Variants in CHMP1A observed in about 807,000 individuals in gnomAD.
CHMP1A encodes the protein charged multivesicular body protein 1A.
In CHMP1A, 17 loss-of-function variants were observed where a neutral mutation model predicts 27.0. That is an observed-to-expected ratio of 0.63 (90% CI 0.43 to 0.95). CHMP1A has a LOEUF of 0.95. Among genes scored for constraint, CHMP1A ranks in the 40% least tolerant of loss-of-function variants. CHMP1A has a pLI of 0.00. For missense variants in CHMP1A, 275 were observed against 264.0 expected (o/e 1.04, Z -0.29); for synonymous variants, 131 against 107.5 (o/e 1.22, Z -1.35).
intron 4 of CHMP1A, 94 bp from the exon 5 acceptor site, chr16:89,647,425 G>A (rs995249190): frequency 2.4e-6 from 3 of 1,271,542 alleles, no homozygotes; most frequent in African/African-American, 1.5e-5. Flanking sequence ...CAGGAGAGCT[G>A]GGGCACCCCA....
At chr16:89,654,714 C>G (rs1288829935) in intron 1 of CHMP1A, among the ~76,000 whole-genome samples, 5 of 151,938 alleles carry the variant, frequency 3.3e-5, no homozygotes, top group Non-Finnish European at 5.9e-5. Flanking sequence ...AGGCCGAGGC[C>G]GGCGGAACAT....
chr16:89,653,020 C>CTT (rs746886149), intron 2 of CHMP1A, among the ~76,000 whole-genome samples: 15 of 82,198 alleles, frequency 1.8e-4, no homozygotes, highest in African/African-American at 5.5e-4. Context: ...TTTTTCTTTT[C>CTT]TTTTTTTTTT....
At chr16:89,650,810 A>AC (rs2059818194) in intron 3 of CHMP1A, among the ~76,000 whole-genome samples, 2 of 151,646 alleles carry the variant, frequency 1.3e-5, no homozygotes, top group Non-Finnish European at 1.5e-5. Flanking sequence ...TCTCAAAAAA[A>AC]AAAAAGATAG....
chr16:89,645,972 G>T lies in CHMP1A; in HGVS notation c.*94C>A, dbSNP rs116954456. 4 of 1,611,310 alleles carry T rather than the reference G, an allele frequency of 2.5e-6. No individual in the cohort carries two copies. The highest frequency in any genetic ancestry group is 4.5e-5 in the East Asian group (2 of 44,714). The stretch of plus-strand genomic sequence containing the variant: ...CAGAGTGGCTGCCGGCCGCAGCCCC[G>T]CGGGGTCAGCACAAAGGCAAGACGC... On this transcript the variant is annotated 3_prime_UTR_variant, in exon 7 of 7. Transcript: ENST00000397901.
intron 6 of CHMP1A, 40 bp downstream of exon 6, chr16:89,646,487 C>G (rs896576038): frequency 6.6e-7 from 1 of 1,514,640 alleles, no homozygotes; most frequent in Non-Finnish European, 8.9e-7. Context: ...AGCACCAGAG[C>G]GTGGGGTTGG....
chr16:89,647,554 G>A lies in CHMP1A; in HGVS notation c.253-223C>T, dbSNP rs1346915558. Among the ~76,000 whole-genome samples, 19 of 146,554 alleles carry A rather than the reference G, an allele frequency of 1.3e-4. 1 individual carries two copies. The highest frequency in any genetic ancestry group is 4.3e-4 in the South Asian group (2 of 4,694). ...GTGCGGGGTCAGTGGAGAAAAGGCC[G>A]CCGACGTGGAGACCCAGTGCGGGGT... On this transcript the variant is annotated intron_variant, in intron 4 of 6. Coordinates refer to ENST00000397901, the MANE Select transcript of CHMP1A (RefSeq NM_002768.5).
chr16:89,646,671 G>A lies in CHMP1A; in HGVS notation c.425C>T (p.Pro142Leu), dbSNP rs2059776274. Residue 142 changes from proline (P) to leucine (L), a missense_variant, in exon 6 of 7, where the codon CCG (proline) becomes CTG (leucine). Pro to Leu is a moderately conservative substitution (Grantham distance 98). Coordinates refer to ENST00000397901, the MANE Select transcript of CHMP1A (RefSeq NM_002768.5). Reference protein sequence around the residue: ...SMSSATTLTTPQEQVDSLIMQ... With the variant: ...SMSSATTLTTLQEQVDSLIMQ... ...GATGAGGCTGTCCACCTGCTCCTGC[G>A]GCGTGGTCAGGGTGGTGGCCGAGCT... 4.3e-6 allele frequency: 7 copies of A among 1,610,564 alleles called. No homozygotes were observed. Among genetic ancestry groups the A allele is most frequent in the Non-Finnish European group, 5.9e-6 (7 of 1,179,054 alleles).
intron 1 of CHMP1A, among the ~76,000 whole-genome samples, chr16:89,654,712 G>A (rs1374403007): frequency 6.6e-6 from 1 of 152,134 alleles, no homozygotes; most frequent in Non-Finnish European, 1.5e-5. Context: ...GGAGGCCGAG[G>A]CCGGCGGAAC....
intron 3 of CHMP1A, among the ~76,000 whole-genome samples, chr16:89,650,236 C>G (rs1351347305): frequency 1.3e-5 from 2 of 152,082 alleles, no homozygotes; most frequent in African/African-American, 4.8e-5. Context: ...TGGAGTGCAG[C>G]AGTGTGATCT....
At chr16:89,655,532 G>A (rs1224847313) in intron 1 of CHMP1A, among the ~76,000 whole-genome samples, 3 of 152,142 alleles carry the variant, frequency 2.0e-5, no homozygotes, top group East Asian at 1.9e-4. Flanking sequence ...CAAAAACCCA[G>A]CTAAGGCAAA....
intron 4 of CHMP1A, among the ~76,000 whole-genome samples, chr16:89,648,591 C>T (rs893668644): frequency 2.0e-5 from 3 of 152,166 alleles, no homozygotes; most frequent in Admixed American, 6.5e-5. Context: ...TTGCCAAGAC[C>T]GAGGCCTGGC....
At position 89,646,100 on chromosome 16, in the gene CHMP1A, A is replaced by G; in HGVS notation, c.570-13T>C. On this transcript the variant is annotated splice_polypyrimidine_tract_variant and intron_variant, in intron 6 of 6. Coordinates refer to ENST00000397901, the MANE Select transcript of CHMP1A (RefSeq NM_002768.5). ...CAAGGCGGCCAACCTGGAAACCAAC[A>G]ACAGGACTCGGGTCAGGGCAGGGGA... 1 of 1,539,570 alleles carries G rather than the reference A, an allele frequency of 6.5e-7. No homozygotes were observed. The highest frequency in any genetic ancestry group is 8.7e-7 in the Non-Finnish European group (1 of 1,143,494).
At position 89,644,873 on chromosome 16, in the gene CHMP1A, C is replaced by T. The variant is rs2059761890; in HGVS notation, c.*1193G>A. 6.5e-6 allele frequency: 1 copy of T among 152,768 alleles called. No homozygotes were observed. The highest frequency in any genetic ancestry group is 6.5e-5 in the Admixed American group (1 of 15,292). The allele number at this position is 152,768 out of a possible 1,614,324, so 9.5% of individuals were successfully genotyped here. On this transcript the variant is annotated 3_prime_UTR_variant, in exon 7 of 7. Coordinates refer to ENST00000397901, the MANE Select transcript of CHMP1A (RefSeq NM_002768.5). Reference sequence around the variant, plus strand: ...CTCCCTGCCAGCCGCCCACCACCTGCCTTTTCTACTTTGGCAAAAACAAAA... The same window carrying T: ...CTCCCTGCCAGCCGCCCACCACCTGTCTTTTCTACTTTGGCAAAAACAAAA...
At chr16:89,648,362 A>T in intron 4 of CHMP1A, among the ~76,000 whole-genome samples, 1 of 29,838 alleles carries the variant, frequency 3.4e-5, no homozygotes, top group Non-Finnish European at 6.2e-5. Flanking sequence ...GCCGACGTGG[A>T]GACCCAGCGC....
rs71396949 is a variant in CHMP1A at position 89,648,436 on chromosome 16, G to A, written c.252+915C>T. On this transcript the variant is annotated intron_variant, in intron 4 of 6. Coordinates refer to ENST00000397901, the MANE Select transcript of CHMP1A (RefSeq NM_002768.5). Reference sequence around the variant, plus strand: ...GCGCGGGGTCGGTGGAGAAAAGGCCGCCGACGTGGGGTCTCCAGGACTGCT... The same window carrying A: ...GCGCGGGGTCGGTGGAGAAAAGGCCACCGACGTGGGGTCTCCAGGACTGCT... 4.8e-4 allele frequency among the ~76,000 whole-genome samples: 67 copies of A among 138,510 alleles called. 10 individuals carry two copies. The highest frequency in any genetic ancestry group is 7.6e-4 in the Non-Finnish European group (44 of 58,146). The allele number at this position is 138,510 out of a possible 152,430, so 90.9% of individuals were successfully genotyped here. A position where few individuals can be genotyped will look rare whatever the true frequency, so the allele number is the denominator to read the frequency against.
In CHMP1A at chr16:89,645,155, C is replaced by A. The variant is rs543780342; in HGVS notation, c.*911G>T. 34 of 152,440 alleles carry A rather than the reference C, an allele frequency of 2.2e-4. No individual in the cohort carries two copies. The highest frequency in any genetic ancestry group is 7.7e-4 in the African/African-American group (32 of 41,578). The allele number at this position is 152,440 out of a possible 1,614,324, so 9.4% of individuals were successfully genotyped here. A position where few individuals can be genotyped will look rare whatever the true frequency, so the allele number is the denominator to read the frequency against. On this transcript the variant is annotated 3_prime_UTR_variant, in exon 7 of 7. Coordinates refer to ENST00000397901, the MANE Select transcript of CHMP1A (RefSeq NM_002768.5). The stretch of plus-strand genomic sequence containing the variant: ...CATTGGGGTGTGGTCGGGGAAGGCA[C>A]CCAGTTGTTTACAGATGGTAGAGGG...
At chr16:89,654,962 A>AT (rs1221113686) in intron 1 of CHMP1A, among the ~76,000 whole-genome samples, 4 of 151,602 alleles carry the variant, frequency 2.6e-5, no homozygotes, top group South Asian at 2.1e-4. Context: ...AAGAAAAAAT[A>AT]TTTTTTTTAA....
chr16:89,656,103 T>C (rs7203947), intron 1 of CHMP1A, among the ~76,000 whole-genome samples: 55,374 of 152,096 alleles, frequency 0.36, 10,742 homozygotes, highest in South Asian at 0.52. Flanking sequence ...TTCATGATGA[T>C]GACACGGTGG....
chr16:89,645,605 T>C lies in CHMP1A; in HGVS notation c.*461A>G, dbSNP rs561154837. ...GGCACCTGACATCCCCCAGCACACATAGACCTGTGGTGCCTCCTTGGGCTA... is the reference window on the plus strand; with the variant it reads ...GGCACCTGACATCCCCCAGCACACACAGACCTGTGGTGCCTCCTTGGGCTA... On this transcript the variant is annotated 3_prime_UTR_variant, in exon 7 of 7. Coordinates refer to ENST00000397901, the MANE Select transcript of CHMP1A (RefSeq NM_002768.5). 52 of 273,892 alleles carry C rather than the reference T, an allele frequency of 1.9e-4. No individual in the cohort carries two copies. Among genetic ancestry groups the C allele is most frequent in the Non-Finnish European group, 3.0e-4 (42 of 140,198 alleles). 17.0% of individuals were successfully genotyped at this position (273,892 alleles called of 1,614,324 possible). A position where few individuals can be genotyped will look rare whatever the true frequency, so the allele number is the denominator to read the frequency against.
Sources: allele counts gnomAD v4.1 joint callset (sites outside exome capture counted in the v4.1 genomes callset), GRCh38; gene constraint gnomAD v4.1.1; transcripts MANE v1.5; gene names NCBI Gene and HGNC (gene_info 2026-07-23, HGNC 2026-07-21).